The following PPFIA2 variants were observed in gnomAD, a reference collection of about 807,000 sequenced individuals.
The protein encoded by PPFIA2 is PPFI scaffold protein A2, also known as liprin-alpha-2.
Under a neutral mutation model 175.5 loss-of-function variants are expected in PPFIA2, and 46 were observed. That is an observed-to-expected ratio of 0.26 (90% CI 0.21 to 0.34). The LOEUF (loss-of-function observed/expected upper bound fraction) is 0.34, where lower values mean the gene tolerates loss of function less well. Ranked by LOEUF, PPFIA2 falls within the 10% of genes least tolerant of loss-of-function variation. The pLI is 1.00. For missense variants in PPFIA2, 1,179 were observed against 1,506.1 expected, an observed-to-expected ratio of 0.78 and a Z score of 3.60; for synonymous variants, 568 against 511.4, an observed-to-expected ratio of 1.11 and a Z score of -1.49.
intron 3 of PPFIA2, among the ~76,000 whole-genome samples, chr12:81,738,339 C>T (rs972252948): frequency 2.6e-5 from 4 of 151,542 alleles, no homozygotes; most frequent in South Asian, 2.1e-4. Context: ...CATCTGCAGA[C>T]GTACAGTAAA....
chr12:81,461,712 T>C (rs1429070252), intron 4 of PPFIA2, among the ~76,000 whole-genome samples: 1 of 152,100 alleles, frequency 6.6e-6, no homozygotes, highest in Non-Finnish European at 1.5e-5. Flanking sequence ...TGTGAAACAT[T>C]TCTCTTTCCT....
intron 4 of PPFIA2, among the ~76,000 whole-genome samples, chr12:81,597,047 T>C (rs941655004): frequency 5.3e-5 from 8 of 152,156 alleles, no homozygotes; most frequent in African/African-American, 1.9e-4. Flanking sequence ...TAGGCCGTTA[T>C]ACTTATTTTT....
chr12:81,366,053 TCCTTC>T (rs991625613), intron 14 of PPFIA2, among the ~76,000 whole-genome samples: 5 of 126,778 alleles, frequency 3.9e-5, no homozygotes, highest in South Asian at 5.8e-4. Context: ...CTCTTCCCTT[TCCTTC>T]CCTTCCCTTC....
At position 81,551,261 on chromosome 12, in the gene PPFIA2, C is replaced by T. The variant is rs542271174; in HGVS notation, c.304-93395G>A. 4.9e-4 allele frequency among the ~76,000 whole-genome samples: 74 copies of T among 151,862 alleles called. 1 individual carries two copies. The South Asian group carries it at 0.013, about 27-fold the overall frequency. ...ATGGCAAATGAAATTCTGGGGTGAGCCATATCCAAAATGAAACATGGACTA... is the reference window on the plus strand; with the variant it reads ...ATGGCAAATGAAATTCTGGGGTGAGTCATATCCAAAATGAAACATGGACTA... On this transcript the variant is annotated intron_variant, in intron 4 of 32. Transcript: ENST00000549396.
chr12:81,336,866 T>A (rs537241614), intron 21 of PPFIA2, among the ~76,000 whole-genome samples: 25 of 152,262 alleles, frequency 1.6e-4, no homozygotes, highest in Non-Finnish European at 3.1e-4. Flanking sequence ...GTTTTAGAAT[T>A]TTCCAGATCA....
intron 3 of PPFIA2, among the ~76,000 whole-genome samples, chr12:81,746,180 A>G (rs1222963921): frequency 6.9e-6 from 1 of 144,558 alleles, no homozygotes; most frequent in Admixed American, 7.3e-5. Context: ...GCATAGCGGG[A>G]GTGTTCAGAA....
intron 3 of PPFIA2, among the ~76,000 whole-genome samples, chr12:81,702,696 G>C (rs567493656): frequency 2.0e-5 from 3 of 152,186 alleles, no homozygotes; most frequent in Admixed American, 1.3e-4. Context: ...AGTTGTTATA[G>C]ACTAAATGCT....
At chr12:81,564,110 T>C (rs1450428056) in intron 4 of PPFIA2, among the ~76,000 whole-genome samples, 1 of 152,126 alleles carries the variant, frequency 6.6e-6, no homozygotes, top group Non-Finnish European at 1.5e-5. Context: ...TTTTGCAAAA[T>C]AGACATAAGT....
At chr12:81,701,834 T>G (rs2076510918) in intron 3 of PPFIA2, among the ~76,000 whole-genome samples, 1 of 149,812 alleles carries the variant, frequency 6.7e-6, no homozygotes, top group African/African-American at 2.4e-5. Flanking sequence ...GTCACACAAC[T>G]GTTCTGATGA....
chr12:81,709,875 G>T (rs75897296), intron 3 of PPFIA2, among the ~76,000 whole-genome samples: 3,925 of 151,944 alleles, frequency 0.026, 80 homozygotes, highest in South Asian at 0.074. Flanking sequence ...AAATAAATAA[G>T]AATATACATA....
At chr12:81,637,036 AG>A (rs2064158792) in intron 4 of PPFIA2, among the ~76,000 whole-genome samples, 1 of 151,662 alleles carries the variant, frequency 6.6e-6, no homozygotes. Flanking sequence ...TTACTTCCTA[AG>A]AACACATCTT....
intron 3 of PPFIA2, 135 bp downstream of exon 3, chr12:81,753,838 A>C (rs924956707): frequency 9.0e-7 from 1 of 1,112,316 alleles, no homozygotes; most frequent in Non-Finnish European, 1.3e-6. Flanking sequence ...CTAATCATCT[A>C]TTCCTAAGTT....
chr12:81,448,481 G>A (rs1187613277), intron 5 of PPFIA2, among the ~76,000 whole-genome samples: 4 of 152,176 alleles, frequency 2.6e-5, no homozygotes, highest in African/African-American at 9.7e-5. Flanking sequence ...TAAAATGTGA[G>A]TTAGGTCATT....
chr12:81,694,036 C>CA (rs541181015), intron 3 of PPFIA2, among the ~76,000 whole-genome samples: 37 of 144,212 alleles, frequency 2.6e-4, no homozygotes, highest in South Asian at 6.6e-4. Context: ...GATACAGGGG[C>CA]AAAAAAAAAT....
chr12:81,630,644 C>T (rs2063267155), intron 4 of PPFIA2, among the ~76,000 whole-genome samples: 1 of 152,028 alleles, frequency 6.6e-6, no homozygotes, highest in Non-Finnish European at 1.5e-5. Context: ...TCCATTCCTT[C>T]CCAGATTAAT....
At chr12:81,605,006 T>C (rs1019485651) in intron 4 of PPFIA2, among the ~76,000 whole-genome samples, 12 of 151,792 alleles carry the variant, frequency 7.9e-5, no homozygotes, top group Non-Finnish European at 1.5e-4. Context: ...ATTACTCCTA[T>C]GCCATCTGAA....
intron 4 of PPFIA2, among the ~76,000 whole-genome samples, chr12:81,664,450 T>C (rs2069670548): frequency 6.6e-6 from 1 of 151,888 alleles, no homozygotes; most frequent in Non-Finnish European, 1.5e-5. Flanking sequence ...TGCTCATCAC[T>C]GGCCATCAGA....
chr12:81,270,573 C>G (rs1000111318), intron 28 of PPFIA2: 1 of 152,178 alleles, frequency 6.6e-6, no homozygotes, highest in African/African-American at 2.4e-5. Context: ...TGGCGATGTT[C>G]CTACCCGCCA....
chr12:81,260,400 C>CT (rs1170462664), intron 32 of PPFIA2: 5 of 152,138 alleles, frequency 3.3e-5, no homozygotes, highest in Non-Finnish European at 5.9e-5. Context: ...GAAGCAAGCA[C>CT]TATTGAACAT....
Sources: gnomAD v4.1 joint callset for allele counts (sites outside exome capture counted in the v4.1 genomes callset) on GRCh38, gnomAD v4.1.1 for gene constraint, MANE v1.5 for transcripts, NCBI Gene and HGNC (gene_info 2026-07-23, HGNC 2026-07-21) for gene names.